Variants in TANC2 observed in about 807,000 individuals in gnomAD.
The protein encoded by TANC2 is tetratricopeptide repeat, ankyrin repeat and coiled-coil containing 2, also known as protein TANC2.
In TANC2, 26 loss-of-function variants were observed where a neutral mutation model predicts 210.5. The ratio of observed to expected loss-of-function variants is 0.12; its 90% CI spans 0.09 to 0.17. TANC2 has a LOEUF of 0.17. Among genes scored for constraint, TANC2 ranks in the 10% least tolerant of loss-of-function variants. The probability of loss-of-function intolerance (pLI) is 1.00; values close to 1 mark genes in which losing one functional copy is unlikely to be tolerated. For synonymous variants in TANC2, 931 were observed against 967.1 expected, an observed-to-expected ratio of 0.96 and a Z score of 0.69; for missense variants, 2,129 against 2,608.9, an observed-to-expected ratio of 0.82 and a Z score of 4.01.
At chr17:63,261,137 C>T (rs544110296) in intron 8 of TANC2, among the ~76,000 whole-genome samples, 4 of 151,966 alleles carry the variant, frequency 2.6e-5, no homozygotes, top group African/African-American at 4.8e-5. Context: ...CCAGCTACTT[C>T]GGAGGCTGAG....
chr17:63,400,432 T>G (rs1461128653), intron 19 of TANC2, among the ~76,000 whole-genome samples: 2 of 152,208 alleles, frequency 1.3e-5, no homozygotes, highest in Non-Finnish European at 2.9e-5. Flanking sequence ...TTAAAATATT[T>G]TATTCCTTAA....
chr17:63,009,415 G>C lies in TANC2; in HGVS notation c.-23-122G>C, dbSNP rs796834293. ...CTCTCAATCATTTATTTATTGAGTG[G>C]CAAACAGTCCAGTTGTACCCTTTAA... On this transcript the variant is annotated intron_variant, in intron 1 of 27. Coordinates refer to ENST00000689528, the Ensembl canonical transcript of TANC2. 1.7e-5 allele frequency: 10 copies of C among 599,518 alleles called. No individual in the cohort carries two copies. In the African/African-American group the frequency reaches 1.8e-4, roughly 11 times the overall value. 37.1% of individuals were successfully genotyped at this position (599,518 alleles called of 1,614,324 possible). A position where few individuals can be genotyped will look rare whatever the true frequency, so the allele number is the denominator to read the frequency against.
intron 8 of TANC2, among the ~76,000 whole-genome samples, chr17:63,252,231 T>C (rs1263828879): frequency 6.6e-6 from 1 of 152,140 alleles, no homozygotes; most frequent in Non-Finnish European, 1.5e-5. Flanking sequence ...TCTTTCTTTT[T>C]AATTTTTATG....
intron 11 of TANC2, among the ~76,000 whole-genome samples, chr17:63,325,018 T>C (rs1190721998): frequency 6.9e-6 from 1 of 145,022 alleles, no homozygotes; most frequent in Non-Finnish European, 1.5e-5. Flanking sequence ...GGACCTCTGC[T>C]TTTCCCAGGA....
Position 63,412,139 on chromosome 17 carries a change from A to AG in TANC2, c.3898+12dup, listed in dbSNP as rs746647978. 6.2e-7 allele frequency: 1 copy of AG among 1,613,832 alleles called. No homozygotes were observed. Among genetic ancestry groups the AG allele is most frequent in the African/African-American group, 1.3e-5 (1 of 74,918 alleles). On this transcript the variant is annotated intron_variant, in intron 23 of 27. Coordinates refer to ENST00000689528, the Ensembl canonical transcript of TANC2. The surrounding 1 kb of genome is among the most constrained non-coding windows in gnomAD (Gnocchi z 4.2). ...GAAAGGAGCCAAGATAGGTAGGAGAAGGGAAGAGGATGTTGGCCATCTGTG... is the reference window on the plus strand; with the variant it reads ...GAAAGGAGCCAAGATAGGTAGGAGAAGGGGAAGAGGATGTTGGCCATCTGTG...
At chr17:63,165,874 G>C (rs374388194) in intron 5 of TANC2, among the ~76,000 whole-genome samples, 1 of 152,276 alleles carries the variant, frequency 6.6e-6, no homozygotes. Context: ...ACATATGTCT[G>C]TTGAAAGCAA....
chr17:63,013,389 C>T (rs947758100), intron 2 of TANC2, among the ~76,000 whole-genome samples: 1 of 152,064 alleles, frequency 6.6e-6, no homozygotes, highest in Admixed American at 6.6e-5. Flanking sequence ...GGCAACCTGC[C>T]ACTTTTCTCT....
intron 8 of TANC2, among the ~76,000 whole-genome samples, chr17:63,250,088 T>C (rs1330319059): frequency 6.6e-6 from 1 of 152,004 alleles, no homozygotes; most frequent in Non-Finnish European, 1.5e-5. Context: ...AAAAAAGCTG[T>C]TCTTTTTTTC....
intron 9 of TANC2, among the ~76,000 whole-genome samples, chr17:63,310,890 A>G (rs559933178): frequency 6.6e-6 from 1 of 152,290 alleles, no homozygotes; most frequent in Admixed American, 6.5e-5. Flanking sequence ...AACACAACCC[A>G]TTGACCCAGA....
chr17:63,295,184 GTACAGACACCA>G (rs139592027), intron 9 of TANC2, among the ~76,000 whole-genome samples: 22,778 of 152,108 alleles, frequency 0.15, 2,025 homozygotes, highest in Middle Eastern at 0.21. Flanking sequence ...TTTCTGGGCT[GTACAGACACCA>G]TTTTTGGTGT....
intron 7 of TANC2, among the ~76,000 whole-genome samples, chr17:63,206,214 A>G (rs1274988989): frequency 6.6e-6 from 1 of 152,240 alleles, no homozygotes; most frequent in Non-Finnish European, 1.5e-5. Context: ...AGTGTTGGCA[A>G]GGACGTGGAG....
intron 1 of TANC2, among the ~76,000 whole-genome samples, chr17:62,988,596 T>C (rs1415630551): frequency 6.6e-6 from 1 of 152,196 alleles, no homozygotes; most frequent in Non-Finnish European, 1.5e-5. Context: ...AAGCAGTCGA[T>C]GTACAGTGAG....
At chr17:63,314,112 A>G (rs868408943) in intron 9 of TANC2, among the ~76,000 whole-genome samples, 1 of 152,192 alleles carries the variant, frequency 6.6e-6, no homozygotes, top group African/African-American at 2.4e-5. Flanking sequence ...TCCCTGTAAT[A>G]ATTTTGAATA....
chr17:63,220,718 AAATATAT>A (rs1311841212), intron 7 of TANC2, among the ~76,000 whole-genome samples: 1 of 127,842 alleles, frequency 7.8e-6, no homozygotes, highest in African/African-American at 3.1e-5. Flanking sequence ...AAAAAAAAAA[AAATATAT>A]ATATATATAT....
chr17:63,265,898 A>G (rs748336900), intron 8 of TANC2, among the ~76,000 whole-genome samples: 1 of 152,200 alleles, frequency 6.6e-6, no homozygotes, highest in Non-Finnish European at 1.5e-5. Context: ...TAATAAATAC[A>G]TGTTCATTCC....
intron 8 of TANC2, among the ~76,000 whole-genome samples, chr17:63,250,307 T>A (rs184037582): frequency 3.3e-5 from 5 of 151,878 alleles, no homozygotes; most frequent in Admixed American, 6.6e-5. Context: ...TTTATTTATT[T>A]ATGAATGAAT....
chr17:63,131,281 G>T (rs1026984371), intron 4 of TANC2, among the ~76,000 whole-genome samples: 1 of 152,268 alleles, frequency 6.6e-6, no homozygotes, highest in African/African-American at 2.4e-5. Flanking sequence ...ACATCAGTAT[G>T]CAAACTAAAA....
chr17:63,293,536 C>T (rs1184506339), intron 9 of TANC2, among the ~76,000 whole-genome samples: 1 of 152,148 alleles, frequency 6.6e-6, no homozygotes, highest in Non-Finnish European at 1.5e-5. Flanking sequence ...ACTGACTTCT[C>T]TTTAAATGAT....
intron 4 of TANC2, among the ~76,000 whole-genome samples, chr17:63,142,569 T>G (rs1294511596): frequency 1.3e-5 from 2 of 152,168 alleles, no homozygotes; most frequent in African/African-American, 4.8e-5. Context: ...CATTTTCCTC[T>G]GAAAAGCAAA....
Sources: gnomAD v4.1 joint callset for allele counts (sites outside exome capture counted in the v4.1 genomes callset) on GRCh38, gnomAD v4.1.1 for gene constraint, Gnocchi (gnomAD v3.1) non-coding constraint, MANE v1.5 for transcripts, NCBI Gene and HGNC (gene_info 2026-07-23, HGNC 2026-07-21) for gene names.